Variants in MPP3 observed in about 807,000 individuals in gnomAD.
MPP3 encodes MAGUK p55 scaffold protein 3.
In MPP3, 48 loss-of-function variants were observed where a neutral mutation model predicts 80.7. The observed-to-expected ratio is 0.59, with a 90% CI of 0.47 to 0.76. The LOEUF (loss-of-function observed/expected upper bound fraction) is 0.76, where lower values mean the gene tolerates loss of function less well. MPP3 is among the 30% of genes least tolerant of loss of function. MPP3 has a pLI of 0.00. For missense variants in MPP3, 620 were observed against 763.0 expected (o/e 0.81, Z 2.21); for synonymous variants, 311 against 297.6 (o/e 1.04, Z -0.46).
At chr17:43,826,183 A>G (rs1024406692) in intron 8 of MPP3, among the ~76,000 whole-genome samples, 5 of 152,250 alleles carry the variant, frequency 3.3e-5, no homozygotes, top group Non-Finnish European at 5.9e-5. Flanking sequence ...TCTTTTTGCT[A>G]TAATCTCTGC....
intron 14 of MPP3, chr17:43,815,796 G>A: frequency 2.9e-6 from 2 of 679,196 alleles, no homozygotes; most frequent in Non-Finnish European, 5.3e-6. Context: ...GTAGGGGTGT[G>A]TGTGCCTTTC....
chr17:43,822,825 C>T (rs2045529398), intron 10 of MPP3, among the ~76,000 whole-genome samples: 1 of 152,096 alleles, frequency 6.6e-6, no homozygotes. Context: ...TGCCTAAGGA[C>T]TTACTTTCTC....
At chr17:43,825,282 C>G (rs1392388165) in intron 9 of MPP3, 1 of 153,378 alleles carries the variant, frequency 6.5e-6, no homozygotes, top group Non-Finnish European at 1.5e-5. Flanking sequence ...CATTTTATAC[C>G]TTAAAATCCC....
chr17:43,811,006 C>T, intron 17 of MPP3, 91 bp from the exon 18 acceptor site: 2 of 1,423,708 alleles, frequency 1.4e-6, no homozygotes, highest in East Asian at 2.3e-5. Context: ...GACTTCTCTC[C>T]CGCTTCCCCC....
intron 19 of MPP3, among the ~76,000 whole-genome samples, chr17:43,807,729 G>C (rs1158141794): frequency 6.6e-6 from 1 of 152,142 alleles, no homozygotes; most frequent in Non-Finnish European, 1.5e-5. Context: ...GCTGAGGCAG[G>C]AGGATCATTT....
chr17:43,807,662 A>C (rs1312440039), intron 19 of MPP3, among the ~76,000 whole-genome samples: 1 of 152,102 alleles, frequency 6.6e-6, no homozygotes, highest in Non-Finnish European at 1.5e-5. Flanking sequence ...GCCATTCTAA[A>C]TAATTTACTG....
At chr17:43,804,039 G>C (rs8075818) in intron 19 of MPP3, among the ~76,000 whole-genome samples, 1 of 152,326 alleles carries the variant, frequency 6.6e-6, no homozygotes, top group Admixed American at 6.5e-5. Flanking sequence ...CTGAATCCTA[G>C]AAAGCTGGCA....
At chr17:43,826,831 T>TATATATATATATATATATA (rs57570654) in intron 8 of MPP3, among the ~76,000 whole-genome samples, 1 of 118,530 alleles carries the variant, frequency 8.4e-6, no homozygotes, top group African/African-American at 4.1e-5. Flanking sequence ...TATATATATA[T>TATATATATATATATATATA]TTTTTTTTTT....
intron 19 of MPP3, among the ~76,000 whole-genome samples, chr17:43,802,877 G>T (rs901758183): frequency 6.6e-6 from 1 of 151,896 alleles, no homozygotes; most frequent in Non-Finnish European, 1.5e-5. Context: ...CCTCTTCTCT[G>T]TCACCAGTCA....
chr17:43,816,164 A>G, intron 13 of MPP3, 85 bp from the exon 14 acceptor site: 1 of 1,209,910 alleles, frequency 8.3e-7, no homozygotes, highest in Non-Finnish European at 1.1e-6. Flanking sequence ...ATGGCCAGGC[A>G]GGAAGAGCCC....
At chr17:43,815,455 A>G (rs972720607) in intron 14 of MPP3, among the ~76,000 whole-genome samples, 2 of 152,198 alleles carry the variant, frequency 1.3e-5, no homozygotes, top group Admixed American at 1.3e-4. Context: ...TTTTTTAATC[A>G]GCTGGGCATG....
intron 10 of MPP3, among the ~76,000 whole-genome samples, chr17:43,821,372 A>G (rs1214965362): frequency 6.6e-6 from 1 of 152,236 alleles, no homozygotes; most frequent in African/African-American, 2.4e-5. Context: ...GCATACACAC[A>G]GCAACAACTA....
At chr17:43,827,097 C>A (rs1370420644) in intron 8 of MPP3, among the ~76,000 whole-genome samples, 5 of 152,114 alleles carry the variant, frequency 3.3e-5, no homozygotes, top group Non-Finnish European at 7.4e-5. Flanking sequence ...CTCACTGCAA[C>A]CTCCACCTCC....
intron 10 of MPP3, among the ~76,000 whole-genome samples, chr17:43,822,862 G>A (rs771936262): frequency 5.3e-5 from 8 of 152,016 alleles, no homozygotes; most frequent in Non-Finnish European, 1.0e-4. Flanking sequence ...CTCATCTCTA[G>A]TCCAGCAGGC....
At chr17:43,831,740 G>A (rs905249392) in intron 3 of MPP3, 63 bp from the exon 4 acceptor site, 4 of 1,462,176 alleles carry the variant, frequency 2.7e-6, no homozygotes, top group Non-Finnish European at 2.8e-6. Flanking sequence ...CCCCCGAGGA[G>A]CCCGAGTGGG....
intron 11 of MPP3, 84 bp downstream of exon 11, chr17:43,820,778 T>C: frequency 7.6e-7 from 1 of 1,319,000 alleles, no homozygotes; most frequent in Non-Finnish European, 1.1e-6. Context: ...CCTCTGGCTG[T>C]GAGGGCAGAG....
chr17:43,815,920 G>T, intron 14 of MPP3, 118 bp downstream of exon 14: 2 of 942,706 alleles, frequency 2.1e-6, no homozygotes, highest in Non-Finnish European at 3.1e-6. Context: ...GGGTCCCATA[G>T]GCTCCACTGC....
intron 12 of MPP3, 116 bp from the exon 13 acceptor site, chr17:43,816,813 C>T: frequency 1.1e-6 from 1 of 937,806 alleles, no homozygotes; most frequent in Admixed American, 2.0e-5. Flanking sequence ...GCCTCTTTCC[C>T]TTTCCTCCAA....
chr17:43,815,948 G>A, intron 14 of MPP3, 90 bp downstream of exon 14: 1 of 1,195,308 alleles, frequency 8.4e-7, no homozygotes, highest in Non-Finnish European at 1.1e-6. Flanking sequence ...GGACTCCTGG[G>A]GCTCAGATCA....
Sources: gnomAD v4.1 joint callset for allele counts (sites outside exome capture counted in the v4.1 genomes callset) on GRCh38, gnomAD v4.1.1 for gene constraint, MANE v1.5 for transcripts, NCBI Gene and HGNC (gene_info 2026-07-23, HGNC 2026-07-21) for gene names.